Variants in CIRSR observed in about 807,000 individuals in gnomAD.
CIRSR encodes the protein CBF1 (RBPJ) interacting corepressor 1.
the CIRSR span, among the ~76,000 whole-genome samples, chr2:174,349,839 G>A: frequency 6.6e-6 from 1 of 151,862 alleles, no homozygotes; most frequent in Non-Finnish European, 1.5e-5. Flanking sequence ...TACTAAAAAA[G>A]CAAATATATA....
the CIRSR span, among the ~76,000 whole-genome samples, chr2:174,361,328 A>G: frequency 6.6e-6 from 1 of 152,230 alleles, no homozygotes; most frequent in African/African-American, 2.4e-5. Flanking sequence ...CTCTCCAAGG[A>G]GTTGCATAAG....
chr2:174,381,628 G>C, the CIRSR span: 1 of 1,147,808 alleles, frequency 8.7e-7, no homozygotes, highest in Non-Finnish European at 1.2e-6. Context: ...CTGCACTCCA[G>C]CCTGGACGAC....
chr2:174,349,168 A>T, the CIRSR span: 1 of 1,406,666 alleles, frequency 7.1e-7, no homozygotes, highest in Non-Finnish European at 9.4e-7. Flanking sequence ...AGTCGATCTA[A>T]TTTCCTGTAA....
At chr2:174,353,757 C>T in the CIRSR span, among the ~76,000 whole-genome samples, 3 of 152,134 alleles carry the variant, frequency 2.0e-5, no homozygotes, top group East Asian at 1.9e-4. Context: ...TGAGCCACCG[C>T]GCCCGGCTCA....
the CIRSR span, among the ~76,000 whole-genome samples, chr2:174,365,792 A>C: frequency 6.6e-6 from 1 of 152,122 alleles, no homozygotes; most frequent in Non-Finnish European, 1.5e-5. Context: ...ACACGTGGGG[A>C]TTTAAGATGA....
At chr2:174,384,163 T>C in the CIRSR span, among the ~76,000 whole-genome samples, 2 of 152,216 alleles carry the variant, frequency 1.3e-5, no homozygotes. Context: ...ATGTGGTATG[T>C]ACATACAAAA....
the CIRSR span, chr2:174,379,069 AC>A: frequency 6.7e-7 from 1 of 1,484,336 alleles, no homozygotes. Flanking sequence ...GATTTTGGTT[AC>A]TAAAAAAGTA....
At chr2:174,354,904 T>C in the CIRSR span, among the ~76,000 whole-genome samples, 1 of 148,818 alleles carries the variant, frequency 6.7e-6, no homozygotes, top group Admixed American at 7.0e-5. Flanking sequence ...ACCCGGCCAC[T>C]ATCCAAATTC....
chr2:174,350,886 A>T, the CIRSR span: 1 of 629,800 alleles, frequency 1.6e-6, no homozygotes, highest in African/African-American at 1.9e-5. Flanking sequence ...GAAGTGGGAG[A>T]GAATTAAAAA....
At chr2:174,390,039 C>T in the CIRSR span, among the ~76,000 whole-genome samples, 7 of 152,294 alleles carry the variant, frequency 4.6e-5, no homozygotes, top group African/African-American at 9.6e-5. Context: ...AATGTGGGGT[C>T]GGAGCCCCCA....
the CIRSR span, among the ~76,000 whole-genome samples, chr2:174,367,250 C>T: frequency 2.6e-5 from 4 of 152,042 alleles, no homozygotes; most frequent in Non-Finnish European, 4.4e-5. Flanking sequence ...GCCTGTGCAA[C>T]ATAATGAGAG....
the CIRSR span, chr2:174,378,884 G>T: frequency 1.4e-6 from 2 of 1,388,660 alleles, no homozygotes; most frequent in Non-Finnish European, 1.0e-6. Flanking sequence ...ATCTTTCCTT[G>T]TTTGTCCTCT....
the CIRSR span, among the ~76,000 whole-genome samples, chr2:174,365,506 T>C: frequency 6.6e-6 from 1 of 152,254 alleles, no homozygotes; most frequent in African/African-American, 2.4e-5. Flanking sequence ...CACATGCTGA[T>C]AAAGCTATAC....
chr2:174,362,011 G>T, the CIRSR span, among the ~76,000 whole-genome samples: 2 of 152,158 alleles, frequency 1.3e-5, no homozygotes, highest in Admixed American at 1.3e-4. Flanking sequence ...AAAAAATTAT[G>T]GCAGGGCTGG....
At chr2:174,372,842 G>C in the CIRSR span, among the ~76,000 whole-genome samples, 1 of 152,060 alleles carries the variant, frequency 6.6e-6, no homozygotes, top group Admixed American at 6.6e-5. Flanking sequence ...TTGGCCTCCC[G>C]AAGAGTTGGG....
the CIRSR span, among the ~76,000 whole-genome samples, chr2:174,386,410 G>A: frequency 6.6e-6 from 1 of 152,138 alleles, no homozygotes; most frequent in South Asian, 2.1e-4. Context: ...TCGAACTCCC[G>A]ACTTCAGGTG....
chr2:174,376,438 G>C, the CIRSR span, among the ~76,000 whole-genome samples: 2 of 152,090 alleles, frequency 1.3e-5, no homozygotes, highest in African/African-American at 4.8e-5. Context: ...CACCATAAGA[G>C]GGTTCCAAAA....
chr2:174,350,806 A>G, the CIRSR span: 1 of 1,193,540 alleles, frequency 8.4e-7, no homozygotes, highest in African/African-American at 1.5e-5. Context: ...TAGTAGATAA[A>G]AAAGAAAACA....
At chr2:174,370,638 G>A in the CIRSR span, among the ~76,000 whole-genome samples, 6 of 152,194 alleles carry the variant, frequency 3.9e-5, no homozygotes, top group African/African-American at 1.4e-4. Flanking sequence ...CTACGGGCTG[G>A]GCACCATGGC....
Sources: allele counts gnomAD v4.1 joint callset (sites outside exome capture counted in the v4.1 genomes callset), GRCh38; gene constraint gnomAD v4.1.1; transcripts MANE v1.5; gene names NCBI Gene and HGNC (gene_info 2026-07-23, HGNC 2026-07-21).